NSMCE2: variants seen among roughly 807,000 people sequenced by gnomAD.
NSMCE2 encodes NSE2 SUMO ligase component of SMC5/6 complex.
A neutral mutation model predicts 23.8 loss-of-function variants in NSMCE2; 24 were observed. That is an observed-to-expected ratio of 1.01 (90% CI 0.73 to 1.42). The LOEUF (loss-of-function observed/expected upper bound fraction) is 1.42, where lower values mean the gene tolerates loss of function less well. NSMCE2 is among the 40% of genes most tolerant of loss of function. The probability of loss-of-function intolerance (pLI) is 0.00; values close to 1 mark genes in which losing one functional copy is unlikely to be tolerated. For missense variants in NSMCE2, 284 were observed against 296.5 expected, an observed-to-expected ratio of 0.96 and a Z score of 0.31; for synonymous variants, 92 against 94.1, an observed-to-expected ratio of 0.98 and a Z score of 0.13.
intron 4 of NSMCE2, among the ~76,000 whole-genome samples, chr8:125,153,092 T>C (rs935355496): frequency 2.7e-5 from 4 of 149,302 alleles, no homozygotes; most frequent in African/African-American, 5.0e-5. Context: ...GAATTGAACT[T>C]TTCCCCCTTC....
intron 5 of NSMCE2, among the ~76,000 whole-genome samples, chr8:125,354,483 T>C (rs1380093641): frequency 6.6e-6 from 1 of 152,206 alleles, no homozygotes; most frequent in African/African-American, 2.4e-5. Context: ...CATTTAGTAA[T>C]TTCAGTACTA....
At chr8:125,260,841 C>T (rs931072925) in intron 5 of NSMCE2, among the ~76,000 whole-genome samples, 2 of 151,926 alleles carry the variant, frequency 1.3e-5, no homozygotes, top group Admixed American at 6.6e-5. Context: ...CCAGGCTGAT[C>T]TTTAACTCCT....
intron 5 of NSMCE2, among the ~76,000 whole-genome samples, chr8:125,200,599 C>T (rs1231526218): frequency 6.6e-6 from 1 of 152,102 alleles, no homozygotes; most frequent in Non-Finnish European, 1.5e-5. Context: ...CTCTGCCTGC[C>T]CTTAACATTT....
rs763203829 is a variant in NSMCE2, at chr8:125,357,804, G to A, written c.612G>A (p.Arg204=). The A allele has an allele frequency of 3.7e-6, 6 of 1,612,984 alleles. No individual in the cohort carries two copies. In the Admixed American group the frequency reaches 6.7e-5, roughly 18 times the overall value. The change falls in exon 7 of 8, where the codon CGG becomes CGA. Residue 204 remains arginine (R), a synonymous_variant. Coordinates refer to ENST00000287437, the MANE Select transcript of NSMCE2 (RefSeq NM_173685.4). ...IVRMIESRQK[R]KKKAYCPQIG... ...GCATGATTGAGTCCAGGCAAAAGCG[G>A]AAGAAAAAGGCCTAGTGAGTGGACG...
intron 5 of NSMCE2, among the ~76,000 whole-genome samples, chr8:125,301,217 G>T (rs1828549981): frequency 6.6e-6 from 1 of 152,146 alleles, no homozygotes; most frequent in Non-Finnish European, 1.5e-5. Context: ...TGGGAAAGGG[G>T]GCCTGAGGAA....
intron 5 of NSMCE2, among the ~76,000 whole-genome samples, chr8:125,281,010 G>C (rs1014237515): frequency 6.6e-6 from 1 of 152,188 alleles, no homozygotes; most frequent in Non-Finnish European, 1.5e-5. Flanking sequence ...AGAAAACTCT[G>C]CCTGCCTATC....
At chr8:125,126,553 A>G (rs1391898165) in intron 3 of NSMCE2, among the ~76,000 whole-genome samples, 1 of 152,160 alleles carries the variant, frequency 6.6e-6, no homozygotes, top group African/African-American at 2.4e-5. Flanking sequence ...TACTACCTCA[A>G]GAAGATGTAG....
intron 7 of NSMCE2, among the ~76,000 whole-genome samples, chr8:125,358,449 A>G (rs1813381780): frequency 6.7e-6 from 1 of 150,066 alleles, no homozygotes; most frequent in Non-Finnish European, 1.5e-5. Flanking sequence ...TATATGTTAT[A>G]TATTGTTTTA....
intron 5 of NSMCE2, among the ~76,000 whole-genome samples, chr8:125,222,916 G>A (rs571278658): frequency 1.9e-4 from 29 of 152,066 alleles, no homozygotes; most frequent in African/African-American, 6.8e-4. Context: ...AAAAGAAATA[G>A]CCAGGTGTGG....
intron 5 of NSMCE2, among the ~76,000 whole-genome samples, chr8:125,260,399 A>G (rs1826636418): frequency 1.3e-5 from 2 of 152,038 alleles, no homozygotes; most frequent in South Asian, 4.1e-4. Flanking sequence ...ATTACAGTGT[A>G]GGGCGGTTCA....
chr8:125,359,671 T>C (rs1259403809), intron 7 of NSMCE2, among the ~76,000 whole-genome samples: 1 of 152,192 alleles, frequency 6.6e-6, no homozygotes, highest in Non-Finnish European at 1.5e-5. Context: ...CATAAATGAA[T>C]GACAATCGTT....
intron 4 of NSMCE2, among the ~76,000 whole-genome samples, chr8:125,157,641 C>G (rs1410750613): frequency 6.6e-6 from 1 of 152,082 alleles, no homozygotes; most frequent in East Asian, 1.9e-4. Context: ...TGAATTACCT[C>G]TATAAGAAAT....
chr8:125,253,342 G>A (rs1322839775), intron 5 of NSMCE2, among the ~76,000 whole-genome samples: 1 of 152,180 alleles, frequency 6.6e-6, no homozygotes. Context: ...ACATAACAAA[G>A]TACTGATTGA....
chr8:125,164,356 C>G (rs1252375218), intron 4 of NSMCE2, among the ~76,000 whole-genome samples: 1 of 152,204 alleles, frequency 6.6e-6, no homozygotes, highest in East Asian at 1.9e-4. Flanking sequence ...GTTTTCATGA[C>G]AGTTCTGTTT....
At chr8:125,227,914 A>T (rs1181321847) in intron 5 of NSMCE2, among the ~76,000 whole-genome samples, 1 of 152,244 alleles carries the variant, frequency 6.6e-6, no homozygotes, top group African/African-American at 2.4e-5. Context: ...ATATTTGAAA[A>T]ACATGATTTT....
At chr8:125,320,779 G>A (rs912393249) in intron 5 of NSMCE2, among the ~76,000 whole-genome samples, 1 of 152,182 alleles carries the variant, frequency 6.6e-6, no homozygotes, top group Non-Finnish European at 1.5e-5. Flanking sequence ...AAATGATGCA[G>A]TATTAGTTCT....
At position 125,366,821 on chromosome 8, in the gene NSMCE2, A is replaced by G; in HGVS notation, c.680A>G (p.Gln227Arg). 6.2e-7 allele frequency: 1 copy of G among 1,613,830 alleles called. No homozygotes were observed. The highest frequency in any genetic ancestry group is 1.1e-5 in the South Asian group (1 of 91,066). Reference protein sequence around the residue: ...HTDIRKSDLIQDEALRRAIEN... With the variant: ...HTDIRKSDLIRDEALRRAIEN... ...GATATAAGAAAGTCAGATCTTATCC[A>G]GGATGAAGCACTTAGAAGGGCAATT... The change falls in exon 8 of 8, where the codon CAG becomes CGG. Residue 227 changes from glutamine to arginine, a missense_variant. Transcript: ENST00000287437.
intron 5 of NSMCE2, among the ~76,000 whole-genome samples, chr8:125,292,218 AG>A (rs1325805185): frequency 6.6e-6 from 1 of 150,666 alleles, no homozygotes; most frequent in Non-Finnish European, 1.5e-5. Flanking sequence ...AAGCTATGGG[AG>A]GAAAAAAAAA....
intron 4 of NSMCE2, among the ~76,000 whole-genome samples, chr8:125,172,475 C>T (rs1432338902): frequency 3.3e-5 from 5 of 152,196 alleles, no homozygotes; most frequent in Non-Finnish European, 7.4e-5. Context: ...AATGTTTCCT[C>T]CTAAGGTGTT....
Sources: gnomAD v4.1 joint callset for allele counts (sites outside exome capture counted in the v4.1 genomes callset) on GRCh38, gnomAD v4.1.1 for gene constraint, MANE v1.5 for transcripts, NCBI Gene and HGNC (gene_info 2026-07-23, HGNC 2026-07-21) for gene names.